Variants in ZBTB20 observed in about 807,000 individuals in gnomAD.
The protein encoded by ZBTB20 is zinc finger and BTB domain-containing protein 20.
In ZBTB20, 9 loss-of-function variants were observed where a neutral mutation model predicts 56.9. The ratio of observed to expected loss-of-function variants is 0.16; its 90% CI spans 0.10 to 0.28. ZBTB20 has a LOEUF of 0.28. Ranked by LOEUF, ZBTB20 falls within the 10% of genes least tolerant of loss-of-function variation. ZBTB20 has a pLI of 1.00. For missense variants in ZBTB20, 655 were observed against 1,003.0 expected, an observed-to-expected ratio of 0.65 and a Z score of 4.69; for synonymous variants, 417 against 420.7, an observed-to-expected ratio of 0.99 and a Z score of 0.11.
chr3:115,142,107 A>AGC (rs2084827376), intron 1 of ZBTB20, among the ~76,000 whole-genome samples: 6 of 152,194 alleles, frequency 3.9e-5, no homozygotes, highest in Admixed American at 3.3e-4. Flanking sequence ...TTTCTATGCT[A>AGC]TCCATAGGAA....
chr3:114,352,522 C>T (rs1475729339), intron 10 of ZBTB20, among the ~76,000 whole-genome samples: 2 of 152,184 alleles, frequency 1.3e-5, no homozygotes, highest in African/African-American at 2.4e-5. Flanking sequence ...TCATGCTTTC[C>T]GGATGATGGA....
chr3:114,651,942 G>T (rs1024678368), intron 6 of ZBTB20, among the ~76,000 whole-genome samples: 1 of 152,012 alleles, frequency 6.6e-6, no homozygotes, highest in African/African-American at 2.4e-5. Context: ...AGGTTAATTA[G>T]GACAGGGACC....
chr3:114,833,840 T>C (rs1338013957), intron 4 of ZBTB20, among the ~76,000 whole-genome samples: 1 of 151,934 alleles, frequency 6.6e-6, no homozygotes, highest in African/African-American at 2.4e-5. Flanking sequence ...CCGAGGGTCT[T>C]ATAGATAGGT....
chr3:114,432,212 AT>A (rs779475725), intron 7 of ZBTB20, among the ~76,000 whole-genome samples: 1 of 151,928 alleles, frequency 6.6e-6, no homozygotes, highest in Non-Finnish European at 1.5e-5. Flanking sequence ...CTGCTTTGAT[AT>A]GTTTAATGCC....
At chr3:114,369,909 C>T (rs996875680) in intron 10 of ZBTB20, among the ~76,000 whole-genome samples, 1 of 152,128 alleles carries the variant, frequency 6.6e-6, no homozygotes, top group Non-Finnish European at 1.5e-5. Context: ...TGTATGACAC[C>T]TATCCTCTGC....
intron 1 of ZBTB20, among the ~76,000 whole-genome samples, chr3:115,077,605 CA>C (rs2082641672): frequency 6.6e-6 from 1 of 152,168 alleles, no homozygotes. Flanking sequence ...TTAAAGTAGA[CA>C]TACAAATGGC....
chr3:114,701,154 G>A lies in ZBTB20; in HGVS notation c.-342-7579C>T, dbSNP rs565371230. The stretch of plus-strand genomic sequence containing the variant: ...TTCCTATTATTTCATAAGGTTTAAT[G>A]TACATCACTCCATTCCACTGTATTG... On this transcript the variant is annotated intron_variant, in intron 5 of 11. Coordinates refer to ENST00000675478, the MANE Select transcript of ZBTB20 (RefSeq NM_001348800.3). Among the ~76,000 whole-genome samples the A allele has an allele frequency of 3.9e-5, 6 of 152,254 alleles. No homozygotes were observed. In the East Asian group the frequency reaches 1.2e-3, roughly 29 times the overall value.
intron 1 of ZBTB20, among the ~76,000 whole-genome samples, chr3:115,076,519 A>G (rs989148539): frequency 6.6e-6 from 1 of 152,192 alleles, no homozygotes; most frequent in African/African-American, 2.4e-5. Context: ...TTGGACCTTT[A>G]TCTTACAACA....
intron 1 of ZBTB20, among the ~76,000 whole-genome samples, chr3:115,143,861 C>T (rs1012077547): frequency 1.3e-5 from 2 of 152,128 alleles, no homozygotes; most frequent in African/African-American, 4.8e-5. Context: ...TGGTAAACAC[C>T]TTCCTCCTTC....
chr3:114,478,669 A>G (rs1004886901), intron 7 of ZBTB20, among the ~76,000 whole-genome samples: 2 of 152,206 alleles, frequency 1.3e-5, no homozygotes, highest in African/African-American at 4.8e-5. Flanking sequence ...TACTTTAAAT[A>G]TGTAATCTGA....
At chr3:114,910,305 GCACA>G (rs62885462) in intron 3 of ZBTB20, among the ~76,000 whole-genome samples, 59 of 146,320 alleles carry the variant, frequency 4.0e-4, no homozygotes, top group South Asian at 2.4e-3. Flanking sequence ...ATGCACGCGT[GCACA>G]CACACACACA....
chr3:114,916,543 T>C (rs1422510496), intron 3 of ZBTB20, among the ~76,000 whole-genome samples: 5 of 152,158 alleles, frequency 3.3e-5, no homozygotes, highest in East Asian at 1.9e-4. Flanking sequence ...TTCTTTCTAA[T>C]TGAAGTACTC....
intron 2 of ZBTB20, among the ~76,000 whole-genome samples, chr3:114,978,832 A>G (rs1025654835): frequency 6.6e-6 from 1 of 151,984 alleles, no homozygotes; most frequent in African/African-American, 2.4e-5. Context: ...ATTACTTTTT[A>G]TAAACATAAA....
chr3:114,620,862 T>C (rs2058274342), intron 6 of ZBTB20, among the ~76,000 whole-genome samples: 2 of 152,216 alleles, frequency 1.3e-5, no homozygotes, highest in South Asian at 4.1e-4. Context: ...ACTTTTAATT[T>C]GGGTTTTATG....
intron 1 of ZBTB20, among the ~76,000 whole-genome samples, chr3:115,085,934 T>C (rs1294207651): frequency 1.3e-5 from 2 of 151,858 alleles, no homozygotes; most frequent in Admixed American, 1.3e-4. Flanking sequence ...CACTCAAATT[T>C]AGGAGTTCAT....
At chr3:115,142,725 T>C (rs1171586970) in intron 1 of ZBTB20, among the ~76,000 whole-genome samples, 1 of 152,030 alleles carries the variant, frequency 6.6e-6, no homozygotes, top group African/African-American at 2.4e-5. Context: ...TGTTTCCTCC[T>C]AAATCTTCCT....
intron 4 of ZBTB20, among the ~76,000 whole-genome samples, chr3:114,897,906 G>A (rs889455229): frequency 2.6e-5 from 4 of 152,028 alleles, no homozygotes; most frequent in Admixed American, 6.6e-5. Context: ...CTTATGTGAC[G>A]GGCTTATGCC....
chr3:114,420,384 C>T (rs1394960496), intron 7 of ZBTB20, among the ~76,000 whole-genome samples: 1 of 152,100 alleles, frequency 6.6e-6, no homozygotes, highest in Non-Finnish European at 1.5e-5. Flanking sequence ...TTTAAAGATG[C>T]TTCTTATCCC....
At chr3:114,917,730 TC>T (rs1290760418) in intron 3 of ZBTB20, among the ~76,000 whole-genome samples, 1 of 148,606 alleles carries the variant, frequency 6.7e-6, no homozygotes, top group Non-Finnish European at 1.5e-5. Context: ...ACAGAGTCTC[TC>T]TGTGTGAGTG....
Sources: gnomAD v4.1 joint callset for allele counts (sites outside exome capture counted in the v4.1 genomes callset) on GRCh38, gnomAD v4.1.1 for gene constraint, MANE v1.5 for transcripts, NCBI Gene and HGNC (gene_info 2026-07-23, HGNC 2026-07-21) for gene names.